CDKL4: variants seen among roughly 807,000 people sequenced by gnomAD.
CDKL4 encodes the protein cyclin-dependent kinase-like 4.
A neutral mutation model predicts 42.0 loss-of-function variants in CDKL4; 44 were observed. The ratio of observed to expected loss-of-function variants is 1.05; its 90% confidence interval spans 0.82 to 1.35. CDKL4 has a LOEUF of 1.35. Ranked by LOEUF, CDKL4 falls within the 40% of genes most tolerant of loss-of-function variation. The pLI is 0.00. For synonymous variants in CDKL4, 120 were observed against 121.6 expected, an observed-to-expected ratio of 0.99 and a Z score of 0.09; for missense variants, 393 against 369.9, an observed-to-expected ratio of 1.06 and a Z score of -0.51.
At chr2:39,189,046 C>A (rs560392761) in intron 6 of CDKL4, among the ~76,000 whole-genome samples, 1 of 152,132 alleles carries the variant, frequency 6.6e-6, no homozygotes, top group Middle Eastern at 3.2e-3. Flanking sequence ...TTTCCAGAAT[C>A]TTTTTAGGGA....
downstream of CDKL4, among the ~76,000 whole-genome samples, chr2:39,173,933 C>T (rs1419615510): frequency 6.6e-6 from 1 of 151,848 alleles, no homozygotes; most frequent in Non-Finnish European, 1.5e-5. Context: ...CAGTGAGCCA[C>T]GATTGCGCCA....
At chr2:39,236,202 A>G (rs1243562945) in intron 1 of CDKL4, among the ~76,000 whole-genome samples, 1 of 151,846 alleles carries the variant, frequency 6.6e-6, no homozygotes, top group African/African-American at 2.4e-5. Flanking sequence ...AGATGGGACA[A>G]ACAGCAGATC....
At chr2:39,214,602 A>G (rs1015309730) in intron 3 of CDKL4, among the ~76,000 whole-genome samples, 1 of 152,242 alleles carries the variant, frequency 6.6e-6, no homozygotes, top group East Asian at 1.9e-4. Flanking sequence ...TCTGAGACCA[A>G]TGGTAGGCAC....
chr2:39,208,683 T>C (rs1677367931), intron 4 of CDKL4, among the ~76,000 whole-genome samples: 2 of 151,646 alleles, frequency 1.3e-5, no homozygotes, highest in African/African-American at 2.4e-5. Flanking sequence ...GGTTCAGTTG[T>C]TGTGGCTGAC....
chr2:39,221,459 C>G (rs1411252239), intron 3 of CDKL4, among the ~76,000 whole-genome samples: 1 of 152,150 alleles, frequency 6.6e-6, no homozygotes, highest in Non-Finnish European at 1.5e-5. Context: ...TAAAAATACT[C>G]TCTGGCCTGT....
chr2:39,190,111 G>A (rs570414815), intron 6 of CDKL4, among the ~76,000 whole-genome samples, 194 bp downstream of exon 6: 126 of 152,306 alleles, frequency 8.3e-4, no homozygotes, highest in African/African-American at 3.0e-3. Context: ...CCTGAGAGGA[G>A]TTACGGTTCT....
At chr2:39,235,760 AACC>A (rs1396903432) in intron 1 of CDKL4, among the ~76,000 whole-genome samples, 1 of 152,166 alleles carries the variant, frequency 6.6e-6, no homozygotes, top group African/African-American at 2.4e-5. Flanking sequence ...TTGAAACAAC[AACC>A]ACAACAACAA....
intron 5 of CDKL4, among the ~76,000 whole-genome samples, chr2:39,196,088 C>T (rs1043182644): frequency 6.6e-6 from 1 of 152,222 alleles, no homozygotes. Context: ...TCTATGGCCC[C>T]ACCCACTGCC....
At chr2:39,187,087 T>C (rs1051904838) in intron 7 of CDKL4, among the ~76,000 whole-genome samples, 2 of 152,092 alleles carry the variant, frequency 1.3e-5, no homozygotes, top group Admixed American at 6.6e-5. Flanking sequence ...GGTTCCTCCA[T>C]GCTGTTCTCA....
intron 5 of CDKL4, among the ~76,000 whole-genome samples, chr2:39,192,788 C>T (rs752186536): frequency 5.3e-4 from 81 of 152,176 alleles, no homozygotes; most frequent in Middle Eastern, 6.8e-3. Context: ...AATAACACCA[C>T]ATTATTTTTC....
chr2:39,215,001 G>C (rs1312803940), intron 3 of CDKL4, among the ~76,000 whole-genome samples: 2 of 152,062 alleles, frequency 1.3e-5, no homozygotes, highest in African/African-American at 4.8e-5. Flanking sequence ...TTTTCTGTTG[G>C]TAGCTTTCCA....
In CDKL4 at chr2:39,213,348, G is replaced by C. The variant is rs1035028367; in HGVS notation, c.363+52C>G. The C allele has an allele frequency of 9.3e-6, 11 of 1,183,374 alleles. No homozygotes were observed. In the East Asian group the frequency reaches 2.6e-4, roughly 28 times the overall value. 73.3% of individuals were successfully genotyped at this position (1,183,374 alleles called of 1,614,324 possible). A position where few individuals can be genotyped will look rare whatever the true frequency, so the allele number is the denominator to read the frequency against. ...AAACAAAACCCTGAGCTATTTAGAA[G>C]AAAAGAGTCATCATGAAGAAATGAA... is the stretch of plus-strand genomic sequence containing the variant. On this transcript the variant is annotated intron_variant, in intron 4 of 9. Coordinates refer to ENST00000451199, the Ensembl canonical transcript of CDKL4.
chr2:39,204,712 A>G (rs1677060069), intron 4 of CDKL4, 95 bp from the exon 5 acceptor site: 3 of 587,016 alleles, frequency 5.1e-6, no homozygotes, highest in Admixed American at 3.9e-5. Context: ...ACAGCCTATG[A>G]GATAAAAACA....
chr2:39,236,253 A>C (rs936375324), intron 1 of CDKL4, among the ~76,000 whole-genome samples: 1 of 152,104 alleles, frequency 6.6e-6, no homozygotes, highest in African/African-American at 2.4e-5. Context: ...AGACCAATAA[A>C]AAGCAGTCAA....
chr2:39,225,029 A>C (rs1214923520), intron 3 of CDKL4, among the ~76,000 whole-genome samples: 1 of 152,212 alleles, frequency 6.6e-6, no homozygotes, highest in Non-Finnish European at 1.5e-5. Flanking sequence ...TTCTCAGAAC[A>C]ACGTTGCATT....
chr2:39,226,246 C>T (rs972573873), intron 2 of CDKL4, among the ~76,000 whole-genome samples: 1 of 151,304 alleles, frequency 6.6e-6, no homozygotes, highest in Non-Finnish European at 1.5e-5. Flanking sequence ...TTATTAAGGA[C>T]TATAAAAATA....
intron 3 of CDKL4, among the ~76,000 whole-genome samples, chr2:39,219,854 T>C (rs1331588135): frequency 6.6e-6 from 1 of 152,178 alleles, no homozygotes; most frequent in Non-Finnish European, 1.5e-5. Flanking sequence ...GGTGGTCTGG[T>C]TGCTTCTAAC....
chr2:39,240,677 TAAAAAAA>T lies in CDKL4; in HGVS notation c.-57+3187_-57+3193del, dbSNP rs768356807. Among the ~76,000 whole-genome samples, 182 of 87,914 alleles carry T rather than the reference TAAAAAAA, an allele frequency of 2.1e-3. 1 individual carries two copies. Among genetic ancestry groups the T allele is most frequent in the African/African-American group, 7.6e-3 (174 of 22,772 alleles). 57.7% of individuals were successfully genotyped at this position (87,914 alleles called of 152,430 possible). On this transcript the variant is annotated intron_variant, in intron 1 of 9. Coordinates refer to ENST00000451199, the Ensembl canonical transcript of CDKL4. ...AACTTGCTATAATGTAGATGAACATTAAAAAAAAAAAAAAAAAAGAAAAAAGAACCAC... is the reference window on the plus strand; with the variant it reads ...AACTTGCTATAATGTAGATGAACATTAAAAAAAAAAAGAAAAAAGAACCAC...
intron 6 of CDKL4, among the ~76,000 whole-genome samples, chr2:39,189,064 A>C (rs1676013892): frequency 6.6e-6 from 1 of 152,246 alleles, no homozygotes; most frequent in South Asian, 2.1e-4. Flanking sequence ...GGAATGAATC[A>C]GACAAACAAA....
Sources: gnomAD v4.1 joint callset for allele counts (sites outside exome capture counted in the v4.1 genomes callset) on GRCh38, gnomAD v4.1.1 for gene constraint, MANE v1.5 for transcripts, NCBI Gene and HGNC (gene_info 2026-07-23, HGNC 2026-07-21) for gene names.